GPC5: variants seen among roughly 807,000 people sequenced by gnomAD.
GPC5 encodes the protein glypican 5.
In GPC5, 47 loss-of-function variants were observed where a neutral mutation model predicts 53.9. The observed-to-expected ratio is 0.87, with a 90% CI of 0.69 to 1.11. The LOEUF (loss-of-function observed/expected upper bound fraction) is 1.11, where lower values mean the gene tolerates loss of function less well. GPC5 is among the 50% of genes most tolerant of loss of function. GPC5 has a pLI of 0.00. For missense variants in GPC5, 748 were observed against 713.1 expected, an observed-to-expected ratio of 1.05 and a Z score of -0.56; for synonymous variants, 286 against 263.3, an observed-to-expected ratio of 1.09 and a Z score of -0.84.
rs2037607543 is a variant in GPC5 at position 91,770,704 on chromosome 13, T to TGTG, written c.1280+14284_1280+14285insGTG. 2.4e-4 allele frequency among the ~76,000 whole-genome samples: 35 copies of TGTG among 145,660 alleles called. 3 individuals are homozygous for TGTG. In the East Asian group the frequency reaches 4.8e-3, roughly 20 times the overall value. Reference sequence around the variant, plus strand: ...TTCAAAGACTGGGGAGACTGTGTGTTTGTGTGTGTGTGTGTGTGTGTGTGT... The same window carrying TGTG: ...TTCAAAGACTGGGGAGACTGTGTGTTGTGTGTGTGTGTGTGTGTGTGTGTGTGT... On this transcript the variant is annotated intron_variant, in intron 5 of 7. Transcript: ENST00000377067.
chr13:91,880,859 C>G (rs1404475340), intron 5 of GPC5, among the ~76,000 whole-genome samples: 5 of 152,018 alleles, frequency 3.3e-5, no homozygotes, highest in Admixed American at 6.6e-5. Context: ...GGTGTGATCT[C>G]AGCTCACTGC....
intron 6 of GPC5, among the ~76,000 whole-genome samples, chr13:92,071,836 C>T (rs1272864272): frequency 2.1e-5 from 3 of 146,204 alleles, no homozygotes; most frequent in Non-Finnish European, 3.0e-5. Flanking sequence ...ATATTTTATT[C>T]ATATATATAT....
At chr13:92,741,213 C>G (rs1055619571) in intron 7 of GPC5, among the ~76,000 whole-genome samples, 1 of 150,624 alleles carries the variant, frequency 6.6e-6, no homozygotes, top group African/African-American at 2.4e-5. Flanking sequence ...GCAAGCAGAA[C>G]GGGCATTCAT....
chr13:92,476,424 G>T (rs1239078059), intron 7 of GPC5, among the ~76,000 whole-genome samples: 10 of 151,100 alleles, frequency 6.6e-5, no homozygotes, highest in Admixed American at 4.6e-4. Context: ...GGAGAAATAG[G>T]AACACTTTTA....
chr13:91,692,685 C>T (rs187537876), intron 2 of GPC5, among the ~76,000 whole-genome samples: 2 of 152,080 alleles, frequency 1.3e-5, no homozygotes, highest in Non-Finnish European at 2.9e-5. Flanking sequence ...ACTCTGTCAC[C>T]GAGGCTGGAG....
At chr13:91,853,124 G>C (rs1232779669) in intron 5 of GPC5, among the ~76,000 whole-genome samples, 1 of 152,048 alleles carries the variant, frequency 6.6e-6, no homozygotes, top group East Asian at 1.9e-4. Context: ...CCAATGTATT[G>C]AATGGTAAAT....
chr13:92,220,989 CCT>C (rs2042444462), intron 7 of GPC5, among the ~76,000 whole-genome samples: 1 of 152,034 alleles, frequency 6.6e-6, no homozygotes, highest in African/African-American at 2.4e-5. Context: ...ACTCCCATTT[CCT>C]CTGTTTGGGG....
intron 7 of GPC5, among the ~76,000 whole-genome samples, chr13:92,272,339 A>C (rs7321767): frequency 6.6e-6 from 1 of 152,130 alleles, no homozygotes; most frequent in African/African-American, 2.4e-5. Context: ...AGCCTACTGC[A>C]TTCCTGAGAG....
At chr13:91,503,206 A>C (rs553718826) in intron 2 of GPC5, among the ~76,000 whole-genome samples, 30 of 152,296 alleles carry the variant, frequency 2.0e-4, no homozygotes, top group Non-Finnish European at 2.9e-5. Flanking sequence ...CAGTGAATAC[A>C]CTCAGAGGAA....
At chr13:92,429,367 A>G (rs1876983277) in intron 7 of GPC5, among the ~76,000 whole-genome samples, 1 of 151,914 alleles carries the variant, frequency 6.6e-6, no homozygotes, top group Non-Finnish European at 1.5e-5. Flanking sequence ...ATGACTACTC[A>G]GGCGCAGAAA....
chr13:92,834,420 C>T (rs1238971326), intron 7 of GPC5, among the ~76,000 whole-genome samples: 1 of 152,094 alleles, frequency 6.6e-6, no homozygotes, highest in Non-Finnish European at 1.5e-5. Context: ...TCTACTAACT[C>T]TGACTTCCAA....
At chr13:92,392,608 A>T (rs530311438) in intron 7 of GPC5, among the ~76,000 whole-genome samples, 27 of 152,286 alleles carry the variant, frequency 1.8e-4, no homozygotes, top group Middle Eastern at 3.4e-3. Flanking sequence ...TGAACAGAGT[A>T]AACAGACAAC....
chr13:92,171,288 A>G (rs2042068940), intron 7 of GPC5, among the ~76,000 whole-genome samples: 1 of 152,084 alleles, frequency 6.6e-6, no homozygotes, highest in Admixed American at 6.5e-5. Flanking sequence ...TGTATCTTCA[A>G]ACTCTTCCTG....
At chr13:91,606,135 A>G (rs2033358306) in intron 2 of GPC5, among the ~76,000 whole-genome samples, 1 of 140,712 alleles carries the variant, frequency 7.1e-6, no homozygotes, top group South Asian at 2.4e-4. Flanking sequence ...TCCCATCAAT[A>G]CCTAATTTAT....
chr13:91,545,899 T>C (rs1450240005), intron 2 of GPC5, among the ~76,000 whole-genome samples: 2 of 152,158 alleles, frequency 1.3e-5, no homozygotes, highest in African/African-American at 2.4e-5. Context: ...GACTATTATT[T>C]AGATAATATA....
chr13:92,531,993 T>C (rs756981894), intron 7 of GPC5, among the ~76,000 whole-genome samples: 1 of 152,174 alleles, frequency 6.6e-6, no homozygotes, highest in Non-Finnish European at 1.5e-5. Flanking sequence ...AGATGCACTT[T>C]AGAGAATTTT....
At chr13:91,645,260 A>G (rs919957261) in intron 2 of GPC5, among the ~76,000 whole-genome samples, 3 of 152,190 alleles carry the variant, frequency 2.0e-5, no homozygotes, top group Non-Finnish European at 2.9e-5. Flanking sequence ...CTTTGACCTC[A>G]GTATTTTTTA....
intron 5 of GPC5, among the ~76,000 whole-genome samples, chr13:91,782,015 A>G (rs1221032388): frequency 6.6e-6 from 1 of 152,224 alleles, no homozygotes; most frequent in Non-Finnish European, 1.5e-5. Context: ...TTGTTGAAGG[A>G]TAATATATTT....
At chr13:91,712,982 G>C (rs1410983021) in intron 3 of GPC5, among the ~76,000 whole-genome samples, 1 of 152,214 alleles carries the variant, frequency 6.6e-6, no homozygotes, top group East Asian at 1.9e-4. Flanking sequence ...CCTGAGGTCA[G>C]GAGTTTGAGA....
Sources: gnomAD v4.1 joint callset for allele counts (sites outside exome capture counted in the v4.1 genomes callset) on GRCh38, gnomAD v4.1.1 for gene constraint, MANE v1.5 for transcripts, NCBI Gene and HGNC (gene_info 2026-07-23, HGNC 2026-07-21) for gene names.